APBA2: variants seen among roughly 807,000 people sequenced by gnomAD.
APBA2 encodes amyloid beta precursor protein binding family A member 2, also known as amyloid-beta A4 precursor protein-binding family A member 2.
Under a neutral mutation model 75.0 loss-of-function variants are expected in APBA2, and 30 were observed. The ratio of observed to expected loss-of-function variants is 0.40; its 90% CI spans 0.30 to 0.54. The LOEUF (loss-of-function observed/expected upper bound fraction) is 0.54. APBA2 is among the 20% of genes least tolerant of loss of function. The pLI, the probability that APBA2 is intolerant of heterozygous loss-of-function variation, is 0.49. For synonymous variants in APBA2, 444 were observed against 409.6 expected (o/e 1.08, Z -1.01); for missense variants, 801 against 1,016.1 (o/e 0.79, Z 2.88).
intron 10 of APBA2, among the ~76,000 whole-genome samples, chr15:29,103,813 G>T (rs1307866420): frequency 1.3e-5 from 2 of 152,174 alleles, no homozygotes; most frequent in Middle Eastern, 6.3e-3. Flanking sequence ...GAGGCCTGGG[G>T]GCCGCCCTCC....
chr15:29,077,567 T>C (rs1266004314), intron 6 of APBA2, among the ~76,000 whole-genome samples: 4 of 152,208 alleles, frequency 2.6e-5, no homozygotes, highest in African/African-American at 9.7e-5. Flanking sequence ...TACCTCGGAC[T>C]CTAGCTCCTG....
chr15:29,096,037 AG>A (rs2043834332), intron 8 of APBA2, among the ~76,000 whole-genome samples: 1 of 152,230 alleles, frequency 6.6e-6, no homozygotes, highest in East Asian at 1.9e-4. Context: ...CAGCTCAAAA[AG>A]GCCTCTGCGG....
At chr15:29,018,902 C>T (rs1297336768) in intron 3 of APBA2, among the ~76,000 whole-genome samples, 1 of 152,164 alleles carries the variant, frequency 6.6e-6, no homozygotes. Context: ...GGAGTTTTGG[C>T]TTCTTTAACT....
intron 3 of APBA2, among the ~76,000 whole-genome samples, chr15:29,041,029 GAAAA>G (rs990007068): frequency 7.4e-6 from 1 of 134,634 alleles, no homozygotes; most frequent in Admixed American, 7.5e-5. Context: ...AGGGCAATAT[GAAAA>G]AAAAAAGAAA....
intron 1 of APBA2, among the ~76,000 whole-genome samples, chr15:28,904,804 A>T (rs2033055211): frequency 6.6e-6 from 1 of 152,178 alleles, no homozygotes; most frequent in South Asian, 2.1e-4. Context: ...GGAAATCAAG[A>T]ACGTGTGGGG....
chr15:29,021,263 T>C (rs2039939892), intron 3 of APBA2, among the ~76,000 whole-genome samples: 2 of 152,098 alleles, frequency 1.3e-5, no homozygotes, highest in Non-Finnish European at 2.9e-5. Context: ...GCACAGTGGC[T>C]CATGCCTGTA....
chr15:29,048,891 C>T (rs1386232650), intron 3 of APBA2, among the ~76,000 whole-genome samples: 4 of 149,874 alleles, frequency 2.7e-5, no homozygotes, highest in Admixed American at 6.7e-5. Context: ...TTCAGTGAGC[C>T]GAGATCACAC....
At chr15:28,952,228 G>A (rs1227591979) in intron 2 of APBA2, among the ~76,000 whole-genome samples, 1 of 152,036 alleles carries the variant, frequency 6.6e-6, no homozygotes, top group Non-Finnish European at 1.5e-5. Flanking sequence ...AGACTTGGAA[G>A]GCTTAAAGAA....
chr15:29,086,342 C>T (rs2043289925), intron 6 of APBA2, among the ~76,000 whole-genome samples: 1 of 152,226 alleles, frequency 6.6e-6, no homozygotes, highest in African/African-American at 2.4e-5. Context: ...CACCCAGATT[C>T]CCGATCCACA....
chr15:29,031,968 G>A (rs1307784563), intron 3 of APBA2, among the ~76,000 whole-genome samples: 1 of 152,260 alleles, frequency 6.6e-6, no homozygotes, highest in African/African-American at 2.4e-5. Flanking sequence ...GGAAGGTGGT[G>A]TTAACCACAG....
chr15:28,995,077 C>T (rs1453235025), intron 2 of APBA2, among the ~76,000 whole-genome samples: 6 of 152,278 alleles, frequency 3.9e-5, no homozygotes, highest in South Asian at 2.1e-4. Flanking sequence ...GCTTCCTGCC[C>T]GTAGCCTTCT....
intron 1 of APBA2, among the ~76,000 whole-genome samples, chr15:28,901,945 T>TGTGTGTGTGTGTGTGTG (rs546149569): frequency 2.7e-4 from 38 of 140,798 alleles, no homozygotes; most frequent in South Asian, 4.8e-4. Flanking sequence ...TGTGTGTATG[T>TGTGTGTGTGTGTGTGTG]TGGGGGTCTG....
chr15:28,890,953 G>A (rs2032090675), intron 1 of APBA2, among the ~76,000 whole-genome samples: 1 of 152,086 alleles, frequency 6.6e-6, no homozygotes, highest in South Asian at 2.1e-4. Flanking sequence ...AAACTCTAAG[G>A]GGCTGTTTTA....
Position 29,114,028 on chromosome 15 carries a change from C to T in APBA2, c.2178+12C>T, listed in dbSNP as rs2044897828. 1 of 1,613,710 alleles carries T rather than the reference C, an allele frequency of 6.2e-7. No homozygotes were observed. The highest frequency in any genetic ancestry group is 8.5e-7 in the Non-Finnish European group (1 of 1,180,032). On this transcript the variant is annotated intron_variant, in intron 14 of 14. Coordinates refer to ENST00000683413, the MANE Select transcript of APBA2 (RefSeq NM_001353788.2). ...ACTCGGTCGGAGAGGTAAGGAGGGA[C>T]TTTGAGTGTGCCTCTGCATGCCGGT...
intron 11 of APBA2, among the ~76,000 whole-genome samples, chr15:29,106,222 G>A (rs1272962161): frequency 6.6e-6 from 1 of 152,172 alleles, no homozygotes; most frequent in Non-Finnish European, 1.5e-5. Context: ...ATGGGAGCCT[G>A]AGAACATTCC....
At position 28,989,885 on chromosome 15, in the gene APBA2, C is replaced by T. The variant is rs903868740; in HGVS notation, c.-94-5868C>T. Among the ~76,000 whole-genome samples the T allele has an allele frequency of 2.0e-5, 3 of 152,304 alleles. No homozygotes were observed. In the East Asian group the frequency reaches 5.8e-4, roughly 29 times the overall value. ...CATCCTGGGACGTGGGCTGTCTTGG[C>T]ACCAAGTTCCAGTTCTTAATACCTC... On this transcript the variant is annotated intron_variant, in intron 2 of 14. Transcript: ENST00000683413.
chr15:28,998,490 C>G (rs1159990202), intron 3 of APBA2, among the ~76,000 whole-genome samples: 1 of 152,098 alleles, frequency 6.6e-6, no homozygotes, highest in Non-Finnish European at 1.5e-5. Flanking sequence ...CCAAAGTGTT[C>G]TTTAAAACCT....
At chr15:28,948,972 A>G (rs72625149) in intron 2 of APBA2, among the ~76,000 whole-genome samples, 24,947 of 151,642 alleles carry the variant, frequency 0.16, 2,795 homozygotes, top group African/African-American at 0.32. Context: ...CAGCAAGTCC[A>G]GCTCGAGGAA....
intron 6 of APBA2, among the ~76,000 whole-genome samples, chr15:29,091,864 G>A (rs1595940524): frequency 1.3e-5 from 2 of 152,304 alleles, no homozygotes; most frequent in Admixed American, 1.3e-4. Flanking sequence ...GGATGGCTGG[G>A]CCCGTGATGC....
Sources: gnomAD v4.1 joint callset for allele counts (sites outside exome capture counted in the v4.1 genomes callset) on GRCh38, gnomAD v4.1.1 for gene constraint, MANE v1.5 for transcripts, NCBI Gene and HGNC (gene_info 2026-07-23, HGNC 2026-07-21) for gene names.